Variants in ARHGEF18 observed in about 807,000 individuals in gnomAD.
ARHGEF18 encodes Rho/Rac guanine nucleotide exchange factor 18, also known as rho guanine nucleotide exchange factor 18.
In ARHGEF18, 93 loss-of-function variants were observed where a neutral mutation model predicts 155.7. The ratio of observed to expected loss-of-function variants is 0.60; its 90% CI spans 0.50 to 0.71. The LOEUF is 0.71. Ranked by LOEUF, ARHGEF18 falls within the 30% of genes least tolerant of loss-of-function variation. The probability of loss-of-function intolerance (pLI) is 0.00; values close to 1 mark genes in which losing one functional copy is unlikely to be tolerated. For synonymous variants in ARHGEF18, 742 were observed against 753.1 expected (o/e 0.99, Z 0.24); for missense variants, 1,593 against 1,816.1 (o/e 0.88, Z 2.23).
chr19:7,375,270 T>A (rs1437457654), intron 3 of ARHGEF18, among the ~76,000 whole-genome samples: 30 of 72,560 alleles, frequency 4.1e-4, no homozygotes, highest in African/African-American at 2.4e-3. Context: ...AGACTCTGTC[T>A]CAAAAAAAAA....
chr19:7,372,982 T>A lies in ARHGEF18; in HGVS notation c.186T>A (p.Asp62Glu). The A allele has an allele frequency of 8.1e-7, 1 of 1,234,468 alleles. No individual in the cohort carries two copies. The highest frequency in any genetic ancestry group is 1.0e-6 in the Non-Finnish European group (1 of 988,252). 76.5% of individuals were successfully genotyped at this position (1,234,468 alleles called of 1,614,324 possible). A position where few individuals can be genotyped will look rare whatever the true frequency, so the allele number is the denominator to read the frequency against. ...SRPTGEEPGR[D>E]SLFSSLAGSQ... ...CCACCGGTGAAGAACCAGGAAGAGA[T>A]TCTCTTTTCTCCAGCTTGGCAGGGT... Residue 62 changes from aspartate to glutamate, a missense_variant, in exon 3 of 29, where the codon GAT (aspartate) becomes GAA (glutamate). Asp to Glu is a conservative substitution (Grantham distance 45). Transcript: ENST00000668164.
chr19:7,411,971 C>T lies in ARHGEF18; in HGVS notation c.968-28373C>T, dbSNP rs147906700. Among the ~76,000 whole-genome samples, 5 of 152,118 alleles carry T rather than the reference C, an allele frequency of 3.3e-5. No homozygotes were observed. The East Asian group carries it at 5.8e-4, about 18-fold the overall frequency. On this transcript the variant is annotated intron_variant, in intron 10 of 28. Transcript: ENST00000668164. The stretch of plus-strand genomic sequence containing the variant: ...AATATTACAGTGTGCGTGTATGTCA[C>T]GTTTTGTTTATCCATTCATCTATAC...
At chr19:7,453,169 C>T (rs1975596509) in intron 16 of ARHGEF18, among the ~76,000 whole-genome samples, 1 of 152,108 alleles carries the variant, frequency 6.6e-6, no homozygotes, top group Non-Finnish European at 1.5e-5. Context: ...TGTACTCTAG[C>T]CTGGGTGACA....
At chr19:7,359,642 A>T (rs6603109) in intron 1 of ARHGEF18, among the ~76,000 whole-genome samples, 14,037 of 152,162 alleles carry the variant, frequency 0.092, 2,062 homozygotes, top group African/African-American at 0.31. Flanking sequence ...ACAAGAATGA[A>T]TGCTCAACCA....
At position 7,440,425 on chromosome 19, in the gene ARHGEF18, C is replaced by G. The variant is rs1441722698; in HGVS notation, c.1049C>G (p.Ser350Cys). 1.9e-6 allele frequency: 3 copies of G among 1,603,658 alleles called. No individual in the cohort carries two copies. In the South Asian group the frequency reaches 3.3e-5, roughly 18 times the overall value. ...ALSRNVGMTV[S>C]QKGGPQPTPS... is the part of the protein sequence containing the mutation. ...TCCAGGAATGTCGGTATGACGGTCT[C>G]TCAGAAAGGGGGTCCCCAGCCAACA... Residue 350 changes from serine to cysteine, a missense_variant, in exon 11 of 29, where the codon TCT becomes TGT. Physicochemically the swap from Ser to Cys is moderately radical, Grantham distance 112. Coordinates refer to ENST00000668164, the MANE Select transcript of ARHGEF18 (RefSeq NM_001367823.1). The surrounding 1 kb of genome is among the most constrained non-coding windows in gnomAD (Gnocchi z 5.4).
At chr19:7,368,232 C>T (rs1283550759) in intron 2 of ARHGEF18, among the ~76,000 whole-genome samples, 8 of 152,030 alleles carry the variant, frequency 5.3e-5, no homozygotes, top group African/African-American at 1.4e-4. Context: ...CAAAACTGTG[C>T]GTGGTGAGCC....
intron 10 of ARHGEF18, among the ~76,000 whole-genome samples, chr19:7,414,198 A>G (rs910199001): frequency 2.6e-5 from 4 of 151,982 alleles, no homozygotes; most frequent in African/African-American, 9.7e-5. Flanking sequence ...TCACTCCCAT[A>G]GCAACCAAAA....
chr19:7,362,000 A>AGAAGAAGAAGAAGAAGAG (rs1969574511), intron 1 of ARHGEF18, among the ~76,000 whole-genome samples: 3 of 48,658 alleles, frequency 6.2e-5, no homozygotes, highest in Admixed American at 2.1e-4. Context: ...TGGAAGAAGA[A>AGAAGAAGAAGAAGAAGAG]GAAGAAGAAG....
At chr19:7,422,596 G>A (rs553193094) in intron 10 of ARHGEF18, among the ~76,000 whole-genome samples, 31 of 151,902 alleles carry the variant, frequency 2.0e-4, no homozygotes, top group African/African-American at 5.8e-4. Context: ...TCCCACTATT[G>A]GCGATCCCAT....
At chr19:7,469,264 A>G (rs1384537902) in intron 27 of ARHGEF18, 133 bp downstream of exon 27, 9 of 1,196,870 alleles carry the variant, frequency 7.5e-6, no homozygotes, top group Admixed American at 2.8e-5. Context: ...CACAGCTGGC[A>G]TCGTGGCTGA....
chr19:7,435,213 C>T (rs975326772), intron 10 of ARHGEF18, among the ~76,000 whole-genome samples: 4 of 150,876 alleles, frequency 2.7e-5, no homozygotes, highest in African/African-American at 9.7e-5. Flanking sequence ...AAAAAAAAGG[C>T]GTCAGAAGAT....
intron 2 of ARHGEF18, 68 bp downstream of exon 2, chr19:7,362,973 G>C: frequency 8.1e-7 from 1 of 1,233,300 alleles, no homozygotes; most frequent in Non-Finnish European, 1.0e-6. Flanking sequence ...ACTTTGTTTA[G>C]CACCTGCATT....
At chr19:7,442,536 C>CTCTCTATCTT in intron 13 of ARHGEF18, among the ~76,000 whole-genome samples, 1 of 152,022 alleles carries the variant, frequency 6.6e-6, no homozygotes, top group East Asian at 2.0e-4. Flanking sequence ...TGCCTGGCCT[C>CTCTCTATCTT]TCTCTGTCTT....
chr19:7,454,350 T>C (rs769960836), intron 17 of ARHGEF18, among the ~76,000 whole-genome samples: 1 of 151,834 alleles, frequency 6.6e-6, no homozygotes. Context: ...TTGGAAATAG[T>C]GACATCCTGG....
Position 7,451,239 on chromosome 19 carries a change from G to C in ARHGEF18, c.1828G>C (p.Val610Leu). 6.2e-7 allele frequency: 1 copy of C among 1,610,460 alleles called. No individual in the cohort carries two copies. The highest frequency in any genetic ancestry group is 1.1e-5 in the South Asian group (1 of 90,900). Residue 610 changes from valine to leucine, a missense_variant, in exon 16 of 29, where the codon GTG (valine) becomes CTG (leucine). Val to Leu is a conservative substitution (Grantham distance 32). Transcript: ENST00000668164. ...ACGCATAACCAAATACCCAGTGCTGGTGGAGCGCATCATCCAGAACACGGA... is the reference window on the plus strand; with the variant it reads ...ACGCATAACCAAATACCCAGTGCTGCTGGAGCGCATCATCCAGAACACGGA... ...TQRITKYPVL[V>L]ERIIQNTEAG...
At chr19:7,450,655 T>C (rs1600488783) in intron 15 of ARHGEF18, among the ~76,000 whole-genome samples, 1 of 152,078 alleles carries the variant, frequency 6.6e-6, no homozygotes, top group Non-Finnish European at 1.5e-5. Flanking sequence ...ATACGGGATC[T>C]TGCTGTCCAT....
chr19:7,458,253 C>T (rs2145865909), intron 18 of ARHGEF18, among the ~76,000 whole-genome samples: 2 of 138,960 alleles, frequency 1.4e-5, no homozygotes, highest in African/African-American at 5.4e-5. Flanking sequence ...CACCACTGCA[C>T]TACAGCCTGG....
intron 10 of ARHGEF18, among the ~76,000 whole-genome samples, chr19:7,389,501 T>C (rs9710480): frequency 9.5e-4 from 19 of 19,968 alleles, no homozygotes; most frequent in African/African-American, 1.9e-3. Context: ...CTTCCTCCCT[T>C]CCTTCCTTCC....
chr19:7,398,701 A>T lies in ARHGEF18; in HGVS notation c.967+15498A>T, dbSNP rs527731562. 3.4e-5 allele frequency among the ~76,000 whole-genome samples: 5 copies of T among 147,064 alleles called. No individual in the cohort carries two copies. The East Asian group carries it at 8.9e-4, about 26-fold the overall frequency. On this transcript the variant is annotated intron_variant, in intron 10 of 28. Coordinates refer to ENST00000668164, the MANE Select transcript of ARHGEF18 (RefSeq NM_001367823.1). ...GCTAGACTCTGTCTCAAAAAAAAAAAAAAAAATAAAGAAAGAAAGAAAAGA... is the reference window on the plus strand; with the variant it reads ...GCTAGACTCTGTCTCAAAAAAAAAATAAAAAATAAAGAAAGAAAGAAAAGA...
Sources: allele counts gnomAD v4.1 joint callset (sites outside exome capture counted in the v4.1 genomes callset), GRCh38; gene constraint gnomAD v4.1.1; non-coding constraint Gnocchi (gnomAD v3.1); transcripts MANE v1.5; gene names NCBI Gene and HGNC (gene_info 2026-07-23, HGNC 2026-07-21).